The following PDE10A variants were observed in gnomAD, a reference collection of about 807,000 sequenced individuals.
PDE10A encodes the protein cAMP and cAMP-inhibited cGMP 3',5'-cyclic phosphodiesterase 10A.
In PDE10A, 39 loss-of-function variants were observed where a neutral mutation model predicts 97.7. That is an observed-to-expected ratio of 0.40 (90% confidence interval 0.31 to 0.52). PDE10A has a LOEUF of 0.52. Ranked by LOEUF, PDE10A falls within the 20% of genes least tolerant of loss-of-function variation. The pLI is 0.56. For synonymous variants in PDE10A, 371 were observed against 376.8 expected (o/e 0.98, Z 0.18); for missense variants, 731 against 1,047.8 (o/e 0.70, Z 4.17).
intron 1 of PDE10A, among the ~76,000 whole-genome samples, chr6:165,799,658 G>A (rs186610232): frequency 1.3e-5 from 2 of 152,182 alleles, no homozygotes; most frequent in East Asian, 1.9e-4. Context: ...GTTTCCAATC[G>A]TCTTCTTAAG....
chr6:165,474,376 G>A (rs1489140823), intron 3 of PDE10A, among the ~76,000 whole-genome samples: 2 of 152,154 alleles, frequency 1.3e-5, no homozygotes, highest in East Asian at 3.9e-4. Context: ...GATCTGAATA[G>A]CAGGGAGACA....
At chr6:165,426,069 C>A (rs995127520) in intron 10 of PDE10A, among the ~76,000 whole-genome samples, 1 of 151,978 alleles carries the variant, frequency 6.6e-6, no homozygotes, top group Non-Finnish European at 1.5e-5. Context: ...AAATACCTCA[C>A]GTTCGTGTAT....
chr6:165,775,096 A>T (rs1778139613), intron 1 of PDE10A: 1 of 152,148 alleles, frequency 6.6e-6, no homozygotes, highest in Non-Finnish European at 1.5e-5. Context: ...CCCTCTTCAG[A>T]AACAATCTGC....
intron 1 of PDE10A, among the ~76,000 whole-genome samples, chr6:165,577,181 C>T (rs1785352725): frequency 6.6e-6 from 1 of 152,226 alleles, no homozygotes; most frequent in Non-Finnish European, 1.5e-5. Context: ...TAATCTGAAG[C>T]AGGTTTCTCT....
chr6:165,806,500 C>G (rs1562746170), intron 1 of PDE10A, among the ~76,000 whole-genome samples: 1 of 152,216 alleles, frequency 6.6e-6, no homozygotes, highest in East Asian at 1.9e-4. Flanking sequence ...TGTGCCCTGT[C>G]TCCACAGTTT....
chr6:165,406,272 GATC>G (rs1787158457), intron 13 of PDE10A, among the ~76,000 whole-genome samples: 1 of 149,030 alleles, frequency 6.7e-6, no homozygotes, highest in African/African-American at 2.5e-5. Flanking sequence ...TTCTGTGTGT[GATC>G]ATGTCACCAC....
At chr6:165,755,950 T>G (rs1056395331) in intron 1 of PDE10A, among the ~76,000 whole-genome samples, 1 of 152,180 alleles carries the variant, frequency 6.6e-6, no homozygotes, top group African/African-American at 2.4e-5. Context: ...GATTTTCCAA[T>G]GCATGAACTC....
At chr6:165,611,750 G>C (rs1787504946) in intron 1 of PDE10A, among the ~76,000 whole-genome samples, 1 of 152,142 alleles carries the variant, frequency 6.6e-6, no homozygotes, top group Non-Finnish European at 1.5e-5. Context: ...ACAATATTTG[G>C]ATTAGAAAAG....
chr6:165,534,275 G>T (rs1782948081), intron 2 of PDE10A, among the ~76,000 whole-genome samples: 2 of 141,650 alleles, frequency 1.4e-5, no homozygotes, highest in Non-Finnish European at 3.1e-5. Flanking sequence ...CTGATAACAA[G>T]TAACAAGATA....
chr6:165,896,357 T>G (rs1233533187), intron 1 of PDE10A, among the ~76,000 whole-genome samples: 1 of 146,446 alleles, frequency 6.8e-6, no homozygotes, highest in Non-Finnish European at 1.5e-5. Context: ...ATTTAGTAAT[T>G]TTTTTTTTTT....
At chr6:165,474,102 T>G (rs560796614) in intron 3 of PDE10A, among the ~76,000 whole-genome samples, 4 of 152,322 alleles carry the variant, frequency 2.6e-5, no homozygotes, top group Non-Finnish European at 4.4e-5. Flanking sequence ...TCCTCCTTTT[T>G]GGGGGAATGT....
In PDE10A at chr6:165,327,967, CTT is replaced by C. The variant is rs1781138613; in HGVS notation, c.*5056_*5057del. 1 of 152,168 alleles carries C rather than the reference CTT, an allele frequency of 6.6e-6. No individual in the cohort carries two copies. The highest frequency in any genetic ancestry group is 1.5e-5 in the Non-Finnish European group (1 of 68,034). The allele number at this position is 152,168 out of a possible 1,614,324, so 9.4% of individuals were successfully genotyped here. On this transcript the variant is annotated 3_prime_UTR_variant, in exon 22 of 22. Coordinates refer to ENST00000539869, the MANE Select transcript of PDE10A (RefSeq NM_001385079.1). ...TAGCTACGTTATGGATCTAGGATCT[CTT>C]TTGTTCATTTGTTCATGTAAAGAAA...
At chr6:165,680,422 G>A (rs1392711739) in intron 1 of PDE10A, among the ~76,000 whole-genome samples, 2 of 152,186 alleles carry the variant, frequency 1.3e-5, no homozygotes, top group Non-Finnish European at 2.9e-5. Flanking sequence ...TACAATCGGA[G>A]GTACTTTCTC....
chr6:165,619,288 C>T (rs796685345), intron 1 of PDE10A, among the ~76,000 whole-genome samples: 30 of 34,034 alleles, frequency 8.8e-4, no homozygotes, highest in South Asian at 2.7e-3. Context: ...TGTAGTCTAG[C>T]ATAGTCTAGT....
At chr6:165,639,707 C>G (rs1332901025) in intron 1 of PDE10A, among the ~76,000 whole-genome samples, 1 of 146,044 alleles carries the variant, frequency 6.8e-6, no homozygotes, top group Non-Finnish European at 1.5e-5. Context: ...CCATTGCACT[C>G]CAGCCTAGGC....
At chr6:165,781,285 TA>T (rs35740968) in intron 1 of PDE10A, 30,856 of 151,718 alleles carry the variant, frequency 0.2, 3,720 homozygotes, top group Middle Eastern at 0.29. Flanking sequence ...ACCCACCTAT[TA>T]TTTTTTTTAA....
intron 1 of PDE10A, among the ~76,000 whole-genome samples, chr6:165,672,679 G>T (rs1790680220): frequency 6.6e-6 from 1 of 152,140 alleles, no homozygotes; most frequent in Admixed American, 6.5e-5. Flanking sequence ...CTTGTCTGCC[G>T]CTATGTGAGA....
intron 10 of PDE10A, among the ~76,000 whole-genome samples, chr6:165,419,805 C>T (rs1247727595): frequency 6.6e-6 from 1 of 152,176 alleles, no homozygotes; most frequent in East Asian, 1.9e-4. Context: ...TACAGTAAAA[C>T]AGCCATCACA....
intron 1 of PDE10A, among the ~76,000 whole-genome samples, chr6:165,564,645 T>C (rs1481387057): frequency 2.0e-5 from 3 of 152,216 alleles, no homozygotes; most frequent in Non-Finnish European, 4.4e-5. Flanking sequence ...TATACTTCTG[T>C]TTGTTTACAT....
Sources: allele counts gnomAD v4.1 joint callset (sites outside exome capture counted in the v4.1 genomes callset), GRCh38; gene constraint gnomAD v4.1.1; transcripts MANE v1.5; gene names NCBI Gene and HGNC (gene_info 2026-07-23, HGNC 2026-07-21).